The following STK32B variants were observed in gnomAD, a reference collection of about 807,000 sequenced individuals.
STK32B encodes serine/threonine kinase 32B, also known as serine/threonine-protein kinase 32B.
In STK32B, 43 loss-of-function variants were observed where a neutral mutation model predicts 52.6. The observed-to-expected ratio is 0.82, with a 90% CI of 0.64 to 1.05. The LOEUF (loss-of-function observed/expected upper bound fraction) is 1.05, where lower values mean the gene tolerates loss of function less well. Ranked by LOEUF, STK32B falls within the 50% of genes least tolerant of loss-of-function variation. The pLI is 0.00. For synonymous variants in STK32B, 238 were observed against 204.3 expected, an observed-to-expected ratio of 1.17 and a Z score of -1.41; for missense variants, 621 against 534.6, an observed-to-expected ratio of 1.16 and a Z score of -1.59.
At position 5,456,889 on chromosome 4, in the gene STK32B, C is replaced by A. The variant is rs541708015; in HGVS notation, c.749C>A (p.Thr250Lys). ...FKVERVHYSS[T>K]WCKGMVALLR... The stretch of plus-strand genomic sequence containing the variant: ...GTGGAGCGTGTCCACTACTCCTCCA[C>A]GTGGTGCAAGGGGATGGTGGCCCTG... Residue 250 changes from threonine (T) to lysine (K), a missense_variant, in exon 8 of 12, where the codon ACG becomes AAG. Thr to Lys is a moderately conservative substitution (Grantham distance 78). Transcript: ENST00000282908. 5.0e-6 allele frequency: 8 copies of A among 1,590,274 alleles called. No individual in the cohort carries two copies. The highest frequency in any genetic ancestry group is 1.3e-5 in the African/African-American group (1 of 74,518).
At chr4:5,364,125 C>A (rs1246641728) in intron 4 of STK32B, among the ~76,000 whole-genome samples, 2 of 152,130 alleles carry the variant, frequency 1.3e-5, no homozygotes, top group East Asian at 1.9e-4. Context: ...AGTCTTAATG[C>A]CTTAGCACTG....
chr4:5,438,948 C>T (rs922962696), intron 6 of STK32B, among the ~76,000 whole-genome samples: 25 of 151,874 alleles, frequency 1.6e-4, no homozygotes, highest in African/African-American at 6.0e-4. Context: ...TTTTTTATGG[C>T]TGCATAGTAT....
intron 3 of STK32B, among the ~76,000 whole-genome samples, chr4:5,286,336 G>A (rs1728540354): frequency 6.6e-6 from 1 of 152,142 alleles, no homozygotes; most frequent in African/African-American, 2.4e-5. Context: ...TAAGTTTTAT[G>A]GAAGTATAAG....
chr4:5,172,607 A>C (rs2108742337), intron 3 of STK32B, among the ~76,000 whole-genome samples: 1 of 152,176 alleles, frequency 6.6e-6, no homozygotes, highest in South Asian at 2.1e-4. Flanking sequence ...ATGCTGGATT[A>C]CGTTTATTGA....
At chr4:5,064,116 A>G (rs1451779146) in intron 1 of STK32B, among the ~76,000 whole-genome samples, 3 of 151,696 alleles carry the variant, frequency 2.0e-5, no homozygotes, top group East Asian at 1.9e-4. Flanking sequence ...GCCTTTTATG[A>G]TATCTGTTGA....
Position 5,400,921 on chromosome 4 carries a change from G to A in STK32B, c.472+2677G>A, listed in dbSNP as rs1737249273. On this transcript the variant is annotated intron_variant, in intron 5 of 11. Coordinates refer to ENST00000282908, the MANE Select transcript of STK32B (RefSeq NM_018401.3). This position sits in a 1 kb window ranked among gnomAD's most constrained non-coding sequence, Gnocchi z 6.1. ...GTTTCATGGTGTTGGGGAGAGTGTG[G>A]GGAAGCTCAGGAGAGGTCGGGCAGA... Among the ~76,000 whole-genome samples the A allele has an allele frequency of 1.3e-5, 2 of 151,556 alleles. No individual in the cohort carries two copies. The highest frequency in any genetic ancestry group is 4.9e-5 in the African/African-American group (2 of 41,020).
intron 3 of STK32B, among the ~76,000 whole-genome samples, chr4:5,300,887 C>T (rs1729508339): frequency 6.6e-6 from 1 of 152,074 alleles, no homozygotes; most frequent in Admixed American, 6.6e-5. Context: ...AGATTCATTG[C>T]AATTTCTATT....
At chr4:5,094,181 C>T (rs1383668096) in intron 1 of STK32B, among the ~76,000 whole-genome samples, 2 of 152,114 alleles carry the variant, frequency 1.3e-5, no homozygotes. Flanking sequence ...CAAGAAAAAG[C>T]CGTCACTATA....
At chr4:5,178,120 G>T (rs1436777462) in intron 3 of STK32B, among the ~76,000 whole-genome samples, 1 of 152,188 alleles carries the variant, frequency 6.6e-6, no homozygotes, top group Non-Finnish European at 1.5e-5. Flanking sequence ...CTCCATAAGG[G>T]CTCTGCCCCT....
intron 3 of STK32B, among the ~76,000 whole-genome samples, chr4:5,317,920 C>A (rs1288470150): frequency 6.6e-6 from 1 of 151,870 alleles, no homozygotes; most frequent in Non-Finnish European, 1.5e-5. Flanking sequence ...ACCTGAAAAT[C>A]TGTTAGAATT....
intron 11 of STK32B, among the ~76,000 whole-genome samples, chr4:5,497,134 C>A (rs1317654438): frequency 6.6e-6 from 1 of 152,078 alleles, no homozygotes; most frequent in African/African-American, 2.4e-5. Context: ...TATTTTAATG[C>A]AGTTTTAAGA....
At chr4:5,442,347 A>T (rs1048038579) in intron 6 of STK32B, among the ~76,000 whole-genome samples, 24 of 151,974 alleles carry the variant, frequency 1.6e-4, no homozygotes, top group African/African-American at 5.8e-4. Context: ...TGATCCCTTT[A>T]CCATTATGTA....
intron 2 of STK32B, among the ~76,000 whole-genome samples, chr4:5,157,284 C>G (rs1054555128): frequency 7.1e-6 from 1 of 140,434 alleles, no homozygotes; most frequent in African/African-American, 2.7e-5. Flanking sequence ...CTTACTCTAG[C>G]TACCTGTGAG....
At chr4:5,463,527 CAT>C (rs932870482) in intron 9 of STK32B, among the ~76,000 whole-genome samples, 4 of 152,138 alleles carry the variant, frequency 2.6e-5, no homozygotes, top group Admixed American at 1.3e-4. Context: ...CCCCCACACA[CAT>C]ATGCACACGT....
At chr4:5,185,680 G>A (rs1720686307) in intron 3 of STK32B, among the ~76,000 whole-genome samples, 1 of 152,112 alleles carries the variant, frequency 6.6e-6, no homozygotes, top group Non-Finnish European at 1.5e-5. Context: ...GTTGCTATAG[G>A]CTCCTAACTA....
chr4:5,449,580 T>G (rs1715791152), intron 7 of STK32B, among the ~76,000 whole-genome samples: 1 of 152,172 alleles, frequency 6.6e-6, no homozygotes, highest in Admixed American at 6.5e-5. Context: ...CCCCTGGGGC[T>G]GGGTACTGGC....
intron 4 of STK32B, among the ~76,000 whole-genome samples, chr4:5,335,972 T>C (rs1732652425): frequency 1.3e-5 from 2 of 151,542 alleles, no homozygotes; most frequent in Admixed American, 6.6e-5. Context: ...CAGACCTCTT[T>C]CCCAACTCTG....
intron 6 of STK32B, among the ~76,000 whole-genome samples, chr4:5,433,187 A>AGAG (rs1319602508): frequency 1.3e-5 from 2 of 152,084 alleles, no homozygotes; most frequent in Admixed American, 6.6e-5. Flanking sequence ...AGGAGGATAG[A>AGAG]GAGGAAGTTT....
intron 3 of STK32B, among the ~76,000 whole-genome samples, chr4:5,229,681 G>A (rs1724119982): frequency 6.6e-6 from 1 of 152,042 alleles, no homozygotes; most frequent in Non-Finnish European, 1.5e-5. Context: ...AAAGTAAAAT[G>A]TATTAAATTA....
Sources: allele counts gnomAD v4.1 joint callset (sites outside exome capture counted in the v4.1 genomes callset), GRCh38; gene constraint gnomAD v4.1.1; non-coding constraint Gnocchi (gnomAD v3.1); transcripts MANE v1.5; gene names NCBI Gene and HGNC (gene_info 2026-07-23, HGNC 2026-07-21).